WDPCP: variants seen among roughly 807,000 people sequenced by gnomAD.
WDPCP encodes the protein WD repeat containing planar cell polarity effector.
A neutral mutation model predicts 93.1 loss-of-function variants in WDPCP; 71 were observed. The ratio of observed to expected loss-of-function variants is 0.76; its 90% CI spans 0.63 to 0.93. WDPCP has a LOEUF of 0.93. WDPCP is among the 40% of genes least tolerant of loss of function. The probability of loss-of-function intolerance (pLI) is 0.00; values close to 1 mark genes in which losing one functional copy is unlikely to be tolerated. For synonymous variants in WDPCP, 315 were observed against 315.0 expected (o/e 1.00, Z 0.00); for missense variants, 844 against 887.4 (o/e 0.95, Z 0.62).
intron 2 of WDPCP, among the ~76,000 whole-genome samples, chr2:63,708,808 C>T (rs1669212063): frequency 6.6e-6 from 1 of 151,880 alleles, no homozygotes; most frequent in African/African-American, 2.4e-5. Flanking sequence ...GACAGGGTTT[C>T]ATCGTGTTAG....
intron 15 of WDPCP, among the ~76,000 whole-genome samples, chr2:63,166,588 T>TC (rs1411188958): frequency 6.6e-6 from 1 of 151,848 alleles, no homozygotes; most frequent in African/African-American, 2.4e-5. Flanking sequence ...AGACAGGGTT[T>TC]CGCCATATTT....
At chr2:63,796,106 G>T (rs1324161474) in intron 2 of WDPCP, among the ~76,000 whole-genome samples, 1 of 152,200 alleles carries the variant, frequency 6.6e-6, no homozygotes, top group Non-Finnish European at 1.5e-5. Flanking sequence ...AAAGATACAA[G>T]AGAGTTATAG....
chr2:63,545,214 T>C lies in WDPCP; in HGVS notation c.75+42983A>G, dbSNP rs568056308. 9.2e-5 allele frequency among the ~76,000 whole-genome samples: 14 copies of C among 152,080 alleles called. No individual in the cohort carries two copies. In the South Asian group the frequency reaches 1.5e-3, roughly 16 times the overall value. On this transcript the variant is annotated intron_variant, in intron 1 of 17. Transcript: ENST00000272321. ...AGTTCTCCAACTTGCCAACCTCCAG[T>C]GTTGAAAGCCAGGAGAGAGCCAAAT...
At chr2:63,738,702 A>G (rs541296641) in intron 2 of WDPCP, among the ~76,000 whole-genome samples, 4 of 152,198 alleles carry the variant, frequency 2.6e-5, no homozygotes, top group Non-Finnish European at 4.4e-5. Flanking sequence ...AATCTGTCAT[A>G]AAGGATAAAT....
At chr2:63,465,404 G>C (rs1221809610) in intron 6 of WDPCP, among the ~76,000 whole-genome samples, 1 of 152,114 alleles carries the variant, frequency 6.6e-6, no homozygotes, top group Non-Finnish European at 1.5e-5. Flanking sequence ...AGAAGTGACA[G>C]TCACATTAGG....
chr2:63,440,190 T>A (rs1697413053), intron 6 of WDPCP: 1 of 238,544 alleles, frequency 4.2e-6, no homozygotes, highest in Admixed American at 5.0e-5. Context: ...TGTTTTGGAT[T>A]CAGAAAATGT....
intron 9 of WDPCP, among the ~76,000 whole-genome samples, chr2:63,420,132 T>A (rs544923999): frequency 7.0e-4 from 107 of 152,272 alleles, no homozygotes; most frequent in African/African-American, 2.4e-3. Context: ...TTTACTTTTT[T>A]ACCATGATGC....
chr2:63,709,798 A>G (rs1669233033), intron 2 of WDPCP, among the ~76,000 whole-genome samples: 1 of 152,216 alleles, frequency 6.6e-6, no homozygotes, highest in African/African-American at 2.4e-5. Flanking sequence ...AAATTATTGA[A>G]GATATTCAGG....
At chr2:63,823,486 G>C (rs1259657355) in intron 1 of WDPCP, among the ~76,000 whole-genome samples, 2 of 152,102 alleles carry the variant, frequency 1.3e-5, no homozygotes, top group Non-Finnish European at 2.9e-5. Context: ...CTGGGTGACA[G>C]AGCAAGACTC....
At chr2:63,588,589 G>C, upstream of WDPCP, 1 of 527,958 alleles carries the variant, frequency 1.9e-6, no homozygotes, top group Non-Finnish European at 3.4e-6. Flanking sequence ...ACCCTCATGG[G>C]AGGATGCAGT....
intron 3 of WDPCP, chr2:63,622,477 C>G: frequency 1.2e-6 from 2 of 1,613,966 alleles, no homozygotes; most frequent in Non-Finnish European, 1.7e-6. Context: ...CCGCTGTTGT[C>G]AGAGTTCACA....
intron 2 of WDPCP, among the ~76,000 whole-genome samples, chr2:63,782,740 ATGTGTGTGTG>A (rs70965143): frequency 0.012 from 1,658 of 141,236 alleles, 27 homozygotes; most frequent in African/African-American, 0.041. Context: ...CACAGGCAAC[ATGTGTGTGTG>A]TGTGTGTGTG....
chr2:63,263,097 CA>C (rs1167450931), intron 13 of WDPCP, among the ~76,000 whole-genome samples: 1 of 152,102 alleles, frequency 6.6e-6, no homozygotes, highest in Non-Finnish European at 1.5e-5. Flanking sequence ...TCTATAATTC[CA>C]TGCCCCTGAG....
intron 2 of WDPCP, among the ~76,000 whole-genome samples, chr2:63,746,952 C>T (rs1575763608): frequency 6.6e-6 from 1 of 152,030 alleles, no homozygotes; most frequent in African/African-American, 2.4e-5. Flanking sequence ...GGTTTTATGG[C>T]TCGGGGGCAT....
intron 2 of WDPCP, among the ~76,000 whole-genome samples, chr2:63,789,084 A>G (rs1254395729): frequency 6.6e-6 from 1 of 152,192 alleles, no homozygotes; most frequent in Non-Finnish European, 1.5e-5. Flanking sequence ...TATTTCTATA[A>G]AAAATTCACA....
intron 14 of WDPCP, among the ~76,000 whole-genome samples, chr2:63,195,516 TGC>T (rs1675359323): frequency 6.6e-6 from 1 of 152,070 alleles, no homozygotes; most frequent in African/African-American, 2.4e-5. Context: ...CAGGCTGGAG[TGC>T]AGTGATCACA....
rs1670744724 is a variant in WDPCP, at chr2:63,805,062, G to A, written n.308+8560C>T. Among the ~76,000 whole-genome samples, 4 of 152,254 alleles carry A rather than the reference G, an allele frequency of 2.6e-5. No homozygotes were observed. In the South Asian group the frequency reaches 8.3e-4, roughly 32 times the overall value. On this transcript the variant is annotated intron_variant and non_coding_transcript_variant, in intron 2 of 4. Coordinates refer to the WDPCP transcript ENST00000467687. ...AAAGAAAAGAAAAGAAAGAGTCCAT[G>A]CCAGGGTGTCTCTGGCGGAAGATAG... is the stretch of plus-strand genomic sequence containing the variant.
At chr2:63,400,276 T>TA (rs745578865) in intron 10 of WDPCP, among the ~76,000 whole-genome samples, 11 of 151,980 alleles carry the variant, frequency 7.2e-5, no homozygotes, top group Non-Finnish European at 1.3e-4. Flanking sequence ...GGTTGATACA[T>TA]AAAAAATCAA....
intron 2 of WDPCP, among the ~76,000 whole-genome samples, chr2:63,701,876 G>C (rs114254456): frequency 0.024 from 3,684 of 152,238 alleles, 142 homozygotes; most frequent in African/African-American, 0.083. Flanking sequence ...ATGAAGAGAG[G>C]TTGACTAATG....
Sources: gnomAD v4.1 joint callset for allele counts (sites outside exome capture counted in the v4.1 genomes callset) on GRCh38, gnomAD v4.1.1 for gene constraint, MANE v1.5 for transcripts, NCBI Gene and HGNC (gene_info 2026-07-23, HGNC 2026-07-21) for gene names.